ZFPM2: variants seen among roughly 807,000 people sequenced by gnomAD.
ZFPM2 encodes zinc finger protein ZFPM2.
In ZFPM2, 20 loss-of-function variants were observed where a neutral mutation model predicts 98.6. The observed-to-expected ratio is 0.20, with a 90% confidence interval of 0.14 to 0.29. ZFPM2 has a LOEUF of 0.29. Ranked by LOEUF, ZFPM2 falls within the 10% of genes least tolerant of loss-of-function variation. The pLI is 1.00. For synonymous variants in ZFPM2, 518 were observed against 502.7 expected (o/e 1.03, Z -0.41); for missense variants, 1,310 against 1,388.6 (o/e 0.94, Z 0.90).
chr8:105,604,325 AG>A lies in ZFPM2; in HGVS notation c.421-29919del, dbSNP rs576765717. Among the ~76,000 whole-genome samples, 507 of 152,128 alleles carry A rather than the reference AG, an allele frequency of 3.3e-3. 3 individuals carry two copies. The highest frequency in any genetic ancestry group is 3.9e-3 in the Non-Finnish European group (264 of 67,976). On this transcript the variant is annotated intron_variant, in intron 4 of 7. Coordinates refer to ENST00000407775, the MANE Select transcript of ZFPM2 (RefSeq NM_012082.4). ...ACCACTTCCAGAGCTATCCTGGTTG[AG>A]GACACCATCATCTCTTACCAGGCCT...
Position 105,801,538 on chromosome 8 carries a change from C to T in ZFPM2, c.1456C>T (p.Pro486Ser). ...AAGACTTGCCTCATCTCCAGTTCAG[C>T]CTAATATTGGGCCTTCTTTCCCTGT... ...SPRLASSPVQ[P>S]NIGPSFPVGP... Residue 486 changes from proline to serine, a missense_variant, in exon 8 of 8, where the codon CCT becomes TCT. Transcript: ENST00000407775. The T allele has an allele frequency of 1.9e-6, 3 of 1,613,932 alleles. No homozygotes were observed. Among genetic ancestry groups the T allele is most frequent in the Non-Finnish European group, 2.5e-6 (3 of 1,179,858 alleles).
At chr8:105,478,802 A>G (rs780732421) in intron 3 of ZFPM2, among the ~76,000 whole-genome samples, 3 of 152,216 alleles carry the variant, frequency 2.0e-5, no homozygotes, top group Non-Finnish European at 2.9e-5. Flanking sequence ...ACTGCCTTGG[A>G]AGACATGGCT....
At chr8:105,788,482 T>G (rs1265784260) in intron 5 of ZFPM2, among the ~76,000 whole-genome samples, 1 of 152,176 alleles carries the variant, frequency 6.6e-6, no homozygotes, top group African/African-American at 2.4e-5. Flanking sequence ...ATGTTTATAC[T>G]GTACTTGATT....
chr8:105,730,234 T>A (rs1375797900), intron 5 of ZFPM2, among the ~76,000 whole-genome samples: 2 of 151,694 alleles, frequency 1.3e-5, no homozygotes, highest in African/African-American at 4.8e-5. Context: ...ACATGCAGTG[T>A]CCAGGAATGA....
intron 1 of ZFPM2, among the ~76,000 whole-genome samples, chr8:105,364,591 T>C (rs978097262): frequency 6.6e-6 from 1 of 151,340 alleles, no homozygotes; most frequent in Non-Finnish European, 1.5e-5. Context: ...AACTTTTTTA[T>C]AATCAAATGT....
At chr8:105,709,759 G>A (rs905745172) in intron 5 of ZFPM2, among the ~76,000 whole-genome samples, 2 of 152,038 alleles carry the variant, frequency 1.3e-5, no homozygotes, top group African/African-American at 4.8e-5. Context: ...GGAACTTTTT[G>A]TAGTCTGATA....
chr8:105,726,916 G>A (rs935255821), intron 5 of ZFPM2, among the ~76,000 whole-genome samples: 3 of 151,650 alleles, frequency 2.0e-5, no homozygotes, highest in African/African-American at 4.8e-5. Flanking sequence ...TAGAACATGC[G>A]AAGAGTATGG....
intron 3 of ZFPM2, among the ~76,000 whole-genome samples, chr8:105,513,803 T>G (rs1813862472): frequency 6.6e-6 from 1 of 152,220 alleles, no homozygotes; most frequent in Non-Finnish European, 1.5e-5. Context: ...GGTGCTAACA[T>G]TCTATTTCAT....
chr8:105,579,091 T>A (rs1362363427), intron 4 of ZFPM2, among the ~76,000 whole-genome samples: 2 of 152,180 alleles, frequency 1.3e-5, no homozygotes, highest in Non-Finnish European at 2.9e-5. Context: ...GTTTCTTTAA[T>A]GACAATGTAA....
chr8:105,365,111 G>A (rs1810482096), intron 1 of ZFPM2, among the ~76,000 whole-genome samples: 1 of 152,108 alleles, frequency 6.6e-6, no homozygotes, highest in Non-Finnish European at 1.5e-5. Flanking sequence ...GGCCTGTCCT[G>A]TCTCATTAGC....
intron 5 of ZFPM2, among the ~76,000 whole-genome samples, chr8:105,746,154 G>A (rs1258618768): frequency 6.6e-6 from 1 of 151,516 alleles, no homozygotes; most frequent in Non-Finnish European, 1.5e-5. Flanking sequence ...GGAGTGTCTG[G>A]GTAAATAGGT....
chr8:105,741,022 A>G (rs1241907993), intron 5 of ZFPM2, among the ~76,000 whole-genome samples: 1 of 152,066 alleles, frequency 6.6e-6, no homozygotes, highest in Non-Finnish European at 1.5e-5. Flanking sequence ...TATTGGTGTA[A>G]TATCAGGGCA....
At chr8:105,639,543 T>C (rs1482424427) in intron 5 of ZFPM2, among the ~76,000 whole-genome samples, 1 of 152,054 alleles carries the variant, frequency 6.6e-6, no homozygotes, top group African/African-American at 2.4e-5. Flanking sequence ...CTATATTTCA[T>C]GTGTAACCTT....
chr8:105,722,003 A>C (rs1811680199), intron 5 of ZFPM2, among the ~76,000 whole-genome samples: 1 of 151,872 alleles, frequency 6.6e-6, no homozygotes, highest in African/African-American at 2.4e-5. Flanking sequence ...TTTTAACATC[A>C]GTTATAAATT....
chr8:105,516,480 T>C (rs12676726), intron 3 of ZFPM2, among the ~76,000 whole-genome samples: 50,377 of 152,038 alleles, frequency 0.33, 9,260 homozygotes, highest in African/African-American at 0.5. Flanking sequence ...GATATACTTT[T>C]AGATAACCCT....
intron 4 of ZFPM2, among the ~76,000 whole-genome samples, chr8:105,625,128 T>A (rs1480492145): frequency 1.3e-5 from 2 of 152,204 alleles, no homozygotes; most frequent in Non-Finnish European, 2.9e-5. Context: ...TATAGTGTAG[T>A]GGTTCTCGTT....
At chr8:105,541,747 C>T (rs1329174090) in intron 3 of ZFPM2, among the ~76,000 whole-genome samples, 1 of 152,104 alleles carries the variant, frequency 6.6e-6, no homozygotes, top group Non-Finnish European at 1.5e-5. Context: ...AACAGTATAG[C>T]AGATTAAATT....
intron 5 of ZFPM2, among the ~76,000 whole-genome samples, chr8:105,752,432 T>A (rs957334653): frequency 3.4e-4 from 52 of 152,286 alleles, no homozygotes; most frequent in African/African-American, 1.2e-3. Flanking sequence ...TGGAGTCAGT[T>A]GCAAAGCAGG....
At chr8:105,345,414 T>G (rs530766138) in intron 1 of ZFPM2, among the ~76,000 whole-genome samples, 6 of 146,116 alleles carry the variant, frequency 4.1e-5, no homozygotes, top group African/African-American at 1.5e-4. Context: ...ATCTAGCTTA[T>G]TCGTGATGTT....
Sources: gnomAD v4.1 joint callset for allele counts (sites outside exome capture counted in the v4.1 genomes callset) on GRCh38, gnomAD v4.1.1 for gene constraint, MANE v1.5 for transcripts, NCBI Gene and HGNC (gene_info 2026-07-23, HGNC 2026-07-21) for gene names.